Variants in MCC observed in about 807,000 individuals in gnomAD.
The protein encoded by MCC is colorectal mutant cancer protein.
MCC carries 90 observed loss-of-function variants against 116.2 expected under a neutral mutation model. The ratio of observed to expected loss-of-function variants is 0.77; its 90% CI spans 0.65 to 0.92. The LOEUF is 0.92. Ranked by LOEUF, MCC falls within the 40% of genes least tolerant of loss-of-function variation. MCC has a pLI of 0.00. For synonymous variants in MCC, 578 were observed against 510.5 expected (o/e 1.13, Z -1.78); for missense variants, 1,516 against 1,312.2 (o/e 1.16, Z -2.40).
At chr5:113,449,593 A>G (rs1302643982) in intron 1 of MCC, among the ~76,000 whole-genome samples, 2 of 152,332 alleles carry the variant, frequency 1.3e-5, no homozygotes, top group Admixed American at 1.3e-4. Flanking sequence ...ATTGAGAGTC[A>G]GCTTATTTAA....
intron 8 of MCC, among the ~76,000 whole-genome samples, chr5:113,086,807 T>C (rs1240316667): frequency 2.0e-5 from 3 of 150,838 alleles, no homozygotes; most frequent in Non-Finnish European, 4.4e-5. Context: ...CACTAGGAAA[T>C]TTAAGACAGG....
chr5:113,186,725 T>C (rs1380737934), intron 3 of MCC, among the ~76,000 whole-genome samples: 6 of 152,222 alleles, frequency 3.9e-5, no homozygotes, highest in African/African-American at 1.4e-4. Context: ...TTCAAGCCTA[T>C]GTACCTTTTC....
intron 14 of MCC, among the ~76,000 whole-genome samples, chr5:113,055,024 G>A (rs1024914195): frequency 1.3e-5 from 2 of 152,170 alleles, no homozygotes; most frequent in African/African-American, 2.4e-5. Flanking sequence ...GGGGTGACTC[G>A]CCCCTCATGG....
chr5:113,417,404 C>T (rs1318275370), intron 1 of MCC, among the ~76,000 whole-genome samples: 1 of 152,150 alleles, frequency 6.6e-6, no homozygotes, highest in East Asian at 1.9e-4. Flanking sequence ...TACCAGTGGC[C>T]ATGCTTTCAT....
At chr5:113,295,084 T>C in intron 3 of MCC, 1 of 315,344 alleles carries the variant, frequency 3.2e-6, no homozygotes, top group Non-Finnish European at 4.6e-6. Flanking sequence ...CAGGCATCCT[T>C]CCAGTTCTCT....
intron 3 of MCC, among the ~76,000 whole-genome samples, chr5:113,275,635 A>C (rs914995894): frequency 1.3e-5 from 2 of 152,200 alleles, no homozygotes; most frequent in African/African-American, 4.8e-5. Context: ...TACCAACCAT[A>C]GATCAAAAAT....
intron 3 of MCC, among the ~76,000 whole-genome samples, chr5:113,206,826 T>C (rs1444839366): frequency 6.6e-6 from 1 of 152,256 alleles, no homozygotes; most frequent in African/African-American, 2.4e-5. Flanking sequence ...GTAATATTTG[T>C]ATAACCCCTT....
At chr5:113,114,994 C>A (rs551282353) in intron 6 of MCC, among the ~76,000 whole-genome samples, 18 of 152,256 alleles carry the variant, frequency 1.2e-4, no homozygotes, top group Non-Finnish European at 1.2e-4. Context: ...CATGAAAAGG[C>A]AGAGGGCCCA....
At chr5:113,381,049 G>A (rs1308411326) in intron 2 of MCC, among the ~76,000 whole-genome samples, 1 of 152,214 alleles carries the variant, frequency 6.6e-6, no homozygotes, top group South Asian at 2.1e-4. Flanking sequence ...TCTGACTACA[G>A]GGTAGAAAAT....
At chr5:113,115,791 T>C (rs966991900) in intron 6 of MCC, among the ~76,000 whole-genome samples, 1 of 152,184 alleles carries the variant, frequency 6.6e-6, no homozygotes, top group African/African-American at 2.4e-5. Context: ...TCACCTGAAT[T>C]GGCACAGCTT....
At chr5:113,117,611 T>C (rs991658206) in intron 6 of MCC, among the ~76,000 whole-genome samples, 1 of 152,252 alleles carries the variant, frequency 6.6e-6, no homozygotes, top group African/African-American at 2.4e-5. Context: ...CTTCACTGGC[T>C]GTGCAAAGGC....
chr5:113,202,334 T>C (rs192374557), intron 3 of MCC, among the ~76,000 whole-genome samples: 9 of 152,150 alleles, frequency 5.9e-5, no homozygotes, highest in Admixed American at 1.3e-4. Context: ...TTAAAAAACT[T>C]GCTTAGGCCA....
chr5:113,245,293 A>G (rs944131228), intron 3 of MCC, among the ~76,000 whole-genome samples: 2 of 150,480 alleles, frequency 1.3e-5, no homozygotes, highest in African/African-American at 2.4e-5. Flanking sequence ...TCCATCTCAA[A>G]AAAAAAAAAA....
chr5:113,236,079 C>T (rs1006800568), intron 3 of MCC, among the ~76,000 whole-genome samples: 4 of 152,174 alleles, frequency 2.6e-5, no homozygotes, highest in African/African-American at 9.7e-5. Flanking sequence ...AGAGTAAATT[C>T]TATGACAGGT....
At position 113,333,835 on chromosome 5, in the gene MCC, G is replaced by GTACATATACA. The variant is rs1278469480; in HGVS notation, c.627+6683_627+6684insTGTATATGTA. 3.8e-4 allele frequency among the ~76,000 whole-genome samples: 31 copies of GTACATATACA among 81,340 alleles called. 3 individuals are homozygous for GTACATATACA. The highest frequency in any genetic ancestry group is 1.3e-3 in the African/African-American group (29 of 22,122). The allele number at this position is 81,340 out of a possible 152,430, so 53.4% of individuals were successfully genotyped here. A position where few individuals can be genotyped will look rare whatever the true frequency, so the allele number is the denominator to read the frequency against. The stretch of plus-strand genomic sequence containing the variant: ...TATATATGTACATATATGTATATAT[G>GTACATATACA]TATATATGTATATATGTACATATAT... On this transcript the variant is annotated intron_variant, in intron 3 of 18. Coordinates refer to ENST00000408903, the MANE Select transcript of MCC (RefSeq NM_001085377.2).
chr5:113,453,904 A>C (rs1446097547), intron 1 of MCC, among the ~76,000 whole-genome samples: 1 of 152,124 alleles, frequency 6.6e-6, no homozygotes, highest in Admixed American at 6.5e-5. Flanking sequence ...TGAGGTTGGG[A>C]GTTCGAGACC....
intron 6 of MCC, among the ~76,000 whole-genome samples, chr5:113,109,614 T>C (rs1756963402): frequency 1.3e-5 from 2 of 152,198 alleles, no homozygotes; most frequent in Admixed American, 1.3e-4. Flanking sequence ...ACTGTACACT[T>C]AGAAATGATT....
At chr5:113,394,599 G>C (rs1769480224) in intron 1 of MCC, among the ~76,000 whole-genome samples, 1 of 152,138 alleles carries the variant, frequency 6.6e-6, no homozygotes, top group Non-Finnish European at 1.5e-5. Flanking sequence ...GCACATGTTT[G>C]TCCCTCTGCT....
chr5:113,459,133 A>ATATGTG (rs1554085317), intron 1 of MCC, among the ~76,000 whole-genome samples: 5 of 68,362 alleles, frequency 7.3e-5, no homozygotes, highest in Non-Finnish European at 8.3e-5. Context: ...GAGTAAGGAT[A>ATATGTG]TGTGTGTGTG....
Sources: allele counts gnomAD v4.1 joint callset (sites outside exome capture counted in the v4.1 genomes callset), GRCh38; gene constraint gnomAD v4.1.1; transcripts MANE v1.5; gene names NCBI Gene and HGNC (gene_info 2026-07-23, HGNC 2026-07-21).